Variants in GAN observed in about 807,000 individuals in gnomAD.
GAN encodes the protein epididymis secretory sperm binding protein.
Under a neutral mutation model 71.3 loss-of-function variants are expected in GAN, and 48 were observed. The observed-to-expected ratio is 0.67, with a 90% CI of 0.53 to 0.86. GAN has a LOEUF of 0.86. Among genes scored for constraint, GAN ranks in the 40% least tolerant of loss-of-function variants. The pLI is 0.00. For synonymous variants in GAN, 386 were observed against 276.8 expected, an observed-to-expected ratio of 1.39 and a Z score of -3.92; for missense variants, 928 against 770.1, an observed-to-expected ratio of 1.21 and a Z score of -2.43.
At position 81,356,936 on chromosome 16, in the gene GAN, T is replaced by A. The variant is rs1272180374; in HGVS notation, c.785T>A (p.Met262Lys). 6.2e-7 allele frequency: 1 copy of A among 1,613,896 alleles called. No individual in the cohort carries two copies. The highest frequency in any genetic ancestry group is 1.1e-5 in the South Asian group (1 of 91,074). The change falls in exon 4 of 11, where the codon ATG becomes AAG. Residue 262 changes from methionine to lysine, a missense_variant. Physicochemically the swap from Met to Lys is moderately conservative, Grantham distance 95. Coordinates refer to ENST00000648994, the MANE Select transcript of GAN (RefSeq NM_022041.4). ...AGCCAGCCGCAGCAAGGGGAGGCGA[T>A]GCTGGCCAACTTCAAACCCCGGGGC... ...PLSQPQQGEA[M>K]LANFKPRGYS...
intron 1 of GAN, among the ~76,000 whole-genome samples, chr16:81,345,331 G>C (rs1380357855): frequency 6.6e-6 from 1 of 152,156 alleles, no homozygotes; most frequent in Non-Finnish European, 1.5e-5. Context: ...ATTCACAATA[G>C]CAAAGACTTG....
chr16:81,356,766 T>G lies in GAN; in HGVS notation c.634-19T>G, dbSNP rs763155204. 6.5e-7 allele frequency: 1 copy of G among 1,550,008 alleles called. No individual in the cohort carries two copies. Among genetic ancestry groups the G allele is most frequent in the African/African-American group, 1.4e-5 (1 of 73,582 alleles). On this transcript the variant is annotated intron_variant, in intron 3 of 10. Coordinates refer to ENST00000648994, the MANE Select transcript of GAN (RefSeq NM_022041.4). The stretch of plus-strand genomic sequence containing the variant: ...CATTTTCCATTGTTTTCGCCCCATC[T>G]TTCTTCCCTCTTCTGCAGGTCCACA...
chr16:81,380,062 T>G lies in GAN; in HGVS notation c.*2466T>G, dbSNP rs1294801569. On this transcript the variant is annotated 3_prime_UTR_variant, in exon 11 of 11. Transcript: ENST00000648994. The stretch of plus-strand genomic sequence containing the variant: ...CTGTTATTTTACTATATATAAATAT[T>G]AAAATATTGTGTTGAAGTATAGGGA... 1 of 152,596 alleles carries G rather than the reference T, an allele frequency of 6.6e-6. No homozygotes were observed. The highest frequency in any genetic ancestry group is 6.5e-5 in the Admixed American group (1 of 15,284). 9.5% of individuals were successfully genotyped at this position (152,596 alleles called of 1,614,324 possible). A position where few individuals can be genotyped will look rare whatever the true frequency, so the allele number is the denominator to read the frequency against.
chr16:81,322,449 G>A (rs1288322963), intron 1 of GAN, among the ~76,000 whole-genome samples: 2 of 152,186 alleles, frequency 1.3e-5, no homozygotes, highest in East Asian at 1.9e-4. Flanking sequence ...GGGCCAATGC[G>A]TATCATAAAT....
intron 2 of GAN, 94 bp downstream of exon 2, chr16:81,351,791 C>T: frequency 1.3e-6 from 1 of 764,160 alleles, no homozygotes. Flanking sequence ...CAAAGTAGCA[C>T]TGTCATCTTC....
In GAN at chr16:81,366,030, C is replaced by T. The variant is rs140045202; in HGVS notation, c.1502+552C>T. 2.2e-3 allele frequency among the ~76,000 whole-genome samples: 334 copies of T among 152,336 alleles called. 2 individuals carry two copies. The highest frequency in any genetic ancestry group is 7.7e-3 in the African/African-American group (319 of 41,570). Reference sequence around the variant, plus strand: ...GGTTGTCTCAGCTCTGTTCGTATTGCTGCTACTTGCCTAAAAGCTCCCTTC... The same window carrying T: ...GGTTGTCTCAGCTCTGTTCGTATTGTTGCTACTTGCCTAAAAGCTCCCTTC... On this transcript the variant is annotated intron_variant, in intron 9 of 10. Transcript: ENST00000648994.
At chr16:81,336,567 G>C (rs796206682) in intron 1 of GAN, among the ~76,000 whole-genome samples, 2 of 151,890 alleles carry the variant, frequency 1.3e-5, no homozygotes, top group South Asian at 2.1e-4. Flanking sequence ...GGGCTCAAGC[G>C]ATCCTCCCAC....
chr16:81,365,235 A>C, intron 8 of GAN, 115 bp from the exon 9 acceptor site: 1 of 1,568,006 alleles, frequency 6.4e-7, no homozygotes, highest in Non-Finnish European at 8.8e-7. Context: ...GCATTTCCTG[A>C]GAAAGGAAGG....
Position 81,362,629 on chromosome 16 carries a change from T to G in GAN, c.1086+18T>G. ...TGAACGAGGTAAAACACTAGTTGGT[T>G]GGTTTGTTTGATGTGTTTCTCTTTC... is the stretch of plus-strand genomic sequence containing the variant. On this transcript the variant is annotated intron_variant, in intron 6 of 10. Transcript: ENST00000648994. 1 of 1,226,388 alleles carries G rather than the reference T, an allele frequency of 8.2e-7. No individual in the cohort carries two copies. The highest frequency in any genetic ancestry group is 1.2e-6 in the Non-Finnish European group (1 of 825,512). The allele number at this position is 1,226,388 out of a possible 1,614,324, so 76.0% of individuals were successfully genotyped here.
At chr16:81,360,338 A>G (rs1026922919) in intron 5 of GAN, among the ~76,000 whole-genome samples, 6 of 152,150 alleles carry the variant, frequency 3.9e-5, no homozygotes, top group South Asian at 4.1e-4. Context: ...TGAGTATAGC[A>G]TTTCAGCTTT....
rs762946430 is a variant in GAN at position 81,377,236 on chromosome 16, A to G, written c.1520A>G (p.Asp507Gly). 1.2e-6 allele frequency: 2 copies of G among 1,606,896 alleles called. No individual in the cohort carries two copies. ...GTTTTCAGGTGGATCTATCTTAACGACCAGAATTTATGCATCCCCGCCAGT... is the reference window on the plus strand; with the variant it reads ...GTTTTCAGGTGGATCTATCTTAACGGCCAGAATTTATGCATCCCCGCCAGT... The part of the protein sequence containing the change: ...DEFKRWIYLN[D>G]QNLCIPASSS... Residue 507 changes from aspartate (D) to glycine (G), a missense_variant, in exon 10 of 11, where the codon GAC (aspartate) becomes GGC (glycine). Physicochemically the swap from Asp to Gly is moderately conservative, Grantham distance 94 (BLOSUM62 -1). Transcript: ENST00000648994.
At chr16:81,363,761 T>G (rs1329765362) in intron 6 of GAN, 33 bp from the exon 7 acceptor site, 1 of 1,606,050 alleles carries the variant, frequency 6.2e-7, no homozygotes, top group African/African-American at 1.3e-5. Flanking sequence ...ATCATTGGCC[T>G]TGTGTGTTCA....
At chr16:81,342,489 G>A (rs1432939501) in intron 1 of GAN, among the ~76,000 whole-genome samples, 6 of 152,232 alleles carry the variant, frequency 3.9e-5, no homozygotes, top group South Asian at 4.1e-4. Context: ...ACTCAAAACC[G>A]CACAACTACA....
intron 1 of GAN, among the ~76,000 whole-genome samples, chr16:81,325,164 C>T (rs6564868): frequency 0.95 from 143,965 of 152,330 alleles, 68,071 homozygotes; most frequent in Middle Eastern, 0.98. Flanking sequence ...TTTAGGAAGA[C>T]TAGTGAAATA....
intron 1 of GAN, among the ~76,000 whole-genome samples, chr16:81,344,843 A>T (rs1407014123): frequency 6.6e-6 from 1 of 152,346 alleles, no homozygotes; most frequent in Non-Finnish European, 1.5e-5. Flanking sequence ...AAATTTTTGC[A>T]ATCTATGCAT....
At chr16:81,368,307 A>G (rs1910927538) in intron 9 of GAN, among the ~76,000 whole-genome samples, 1 of 152,254 alleles carries the variant, frequency 6.6e-6, no homozygotes, top group Admixed American at 6.5e-5. Flanking sequence ...TGTTCAAAAA[A>G]GGGTCATCTT....
chr16:81,371,482 G>C (rs1211095222), intron 9 of GAN, among the ~76,000 whole-genome samples: 1 of 152,192 alleles, frequency 6.6e-6, no homozygotes, highest in Non-Finnish European at 1.5e-5. Context: ...AATTGACTTG[G>C]TTAGACTTAA....
At chr16:81,356,763 A>G (rs1910498414) in intron 3 of GAN, 22 bp from the exon 4 acceptor site, 2 of 1,532,286 alleles carry the variant, frequency 1.3e-6, no homozygotes, top group Middle Eastern at 1.7e-4. Context: ...TTTTCGCCCC[A>G]TCTTTCTTCC....
At chr16:81,319,448 C>G (rs1909155586) in intron 1 of GAN, among the ~76,000 whole-genome samples, 1 of 152,010 alleles carries the variant, frequency 6.6e-6, no homozygotes, top group South Asian at 2.1e-4. Flanking sequence ...ACCCATTTCT[C>G]TCCTGAGCTG....
Sources: allele counts gnomAD v4.1 joint callset (sites outside exome capture counted in the v4.1 genomes callset), GRCh38; gene constraint gnomAD v4.1.1; transcripts MANE v1.5; gene names NCBI Gene and HGNC (gene_info 2026-07-23, HGNC 2026-07-21).